The following NBEA variants were observed in gnomAD, a reference collection of about 807,000 sequenced individuals.
The protein encoded by NBEA is neurobeachin.
A neutral mutation model predicts 343.4 loss-of-function variants in NBEA; 44 were observed. The observed-to-expected ratio is 0.13, with a 90% CI of 0.10 to 0.16. The LOEUF is 0.16. Ranked by LOEUF, NBEA falls within the 10% of genes least tolerant of loss-of-function variation. NBEA has a pLI of 1.00. For missense variants in NBEA, 2,555 were observed against 3,631.3 expected, an observed-to-expected ratio of 0.70 and a Z score of 7.62; for synonymous variants, 1,175 against 1,238.7, an observed-to-expected ratio of 0.95 and a Z score of 1.08.
chr13:35,169,099 C>G, intron 25 of NBEA, 104 bp downstream of exon 25: 1 of 805,482 alleles, frequency 1.2e-6, no homozygotes, highest in East Asian at 2.7e-5. Context: ...TTCATATCAT[C>G]TTTAACATGA....
At chr13:35,152,677 C>G (rs1286323872) in intron 18 of NBEA, among the ~76,000 whole-genome samples, 1 of 152,140 alleles carries the variant, frequency 6.6e-6, no homozygotes, top group African/African-American at 2.4e-5. Context: ...CTGTAAATAG[C>G]ATGTAAAGTT....
intron 56 of NBEA, among the ~76,000 whole-genome samples, chr13:35,665,771 C>T (rs968434303): frequency 2.4e-4 from 36 of 152,218 alleles, no homozygotes; most frequent in African/African-American, 8.2e-4. Flanking sequence ...GGATTACAGG[C>T]GCCCGCAACC....
chr13:35,662,521 T>G (rs2085145970), intron 55 of NBEA, among the ~76,000 whole-genome samples: 1 of 152,218 alleles, frequency 6.6e-6, no homozygotes, highest in South Asian at 2.1e-4. Context: ...TTCCCGCCGC[T>G]GCAGGTTTCC....
At chr13:35,431,083 A>T (rs1470241125) in intron 38 of NBEA, among the ~76,000 whole-genome samples, 1 of 152,062 alleles carries the variant, frequency 6.6e-6, no homozygotes, top group African/African-American at 2.4e-5. Context: ...CTCAATGGCC[A>T]TACATTGAAA....
rs573501609 is a variant in NBEA, at chr13:35,454,924, T to C, written c.6448+2689T>C. Among the ~76,000 whole-genome samples the C allele has an allele frequency of 5.9e-5, 9 of 152,032 alleles. No individual in the cohort carries two copies. In the East Asian group the frequency reaches 1.7e-3, roughly 29 times the overall value. ...AAAACAGGAAATCCTAAAATCGGTG[T>C]ACAATATTAATATAATCTTATATTT... On this transcript the variant is annotated intron_variant, in intron 40 of 58. Coordinates refer to ENST00000379939, the MANE Select transcript of NBEA (RefSeq NM_001385012.1).
intron 34 of NBEA, among the ~76,000 whole-genome samples, chr13:35,264,077 T>C (rs2033454213): frequency 6.7e-6 from 1 of 149,234 alleles, no homozygotes; most frequent in South Asian, 2.1e-4. Context: ...AAAGGAGATA[T>C]TACAACTGAT....
At chr13:35,622,882 A>G (rs1320552173) in intron 48 of NBEA, among the ~76,000 whole-genome samples, 1 of 152,134 alleles carries the variant, frequency 6.6e-6, no homozygotes, top group South Asian at 2.1e-4. Flanking sequence ...CTTTTTTTTC[A>G]TAAATTTCGG....
chr13:35,568,393 T>C (rs1431808767), intron 45 of NBEA, among the ~76,000 whole-genome samples: 1 of 152,166 alleles, frequency 6.6e-6, no homozygotes, highest in African/African-American at 2.4e-5. Flanking sequence ...TCTAATACGC[T>C]TGCAAATATA....
chr13:35,250,841 T>G (rs757752615), intron 34 of NBEA, among the ~76,000 whole-genome samples: 10 of 152,234 alleles, frequency 6.6e-5, no homozygotes, highest in Non-Finnish European at 1.3e-4. Flanking sequence ...AAATGATATT[T>G]ACCATAAAAG....
intron 38 of NBEA, among the ~76,000 whole-genome samples, chr13:35,428,797 C>A (rs2044888715): frequency 6.6e-6 from 1 of 152,078 alleles, no homozygotes; most frequent in African/African-American, 2.4e-5. Flanking sequence ...AAACCTGGAC[C>A]TTTTCTTATT....
At chr13:35,244,702 G>A (rs1413443570) in intron 34 of NBEA, among the ~76,000 whole-genome samples, 1 of 152,054 alleles carries the variant, frequency 6.6e-6, no homozygotes, top group Non-Finnish European at 1.5e-5. Flanking sequence ...GATTGCTTTT[G>A]GAAGTATGGT....
chr13:35,222,131 T>C (rs963159692), intron 33 of NBEA, among the ~76,000 whole-genome samples: 3 of 152,134 alleles, frequency 2.0e-5, no homozygotes, highest in Non-Finnish European at 1.5e-5. Flanking sequence ...TTAAAATGGC[T>C]TGGTTTTTTT....
rs550565347 is a variant in NBEA at position 34,985,243 on chromosome 13, C to T, written c.294+42129C>T. On this transcript the variant is annotated intron_variant, in intron 1 of 58. Transcript: ENST00000379939. ...TACCTATTTTATTGAGAGTTTTTAGCATCAAAGGCTGTTGCATTTTGTTGA... is the reference window on the plus strand; with the variant it reads ...TACCTATTTTATTGAGAGTTTTTAGTATCAAAGGCTGTTGCATTTTGTTGA... Among the ~76,000 whole-genome samples the T allele has an allele frequency of 4.7e-4, 71 of 150,930 alleles. 4 individuals carry two copies. Among genetic ancestry groups the T allele is most frequent in the Non-Finnish European group, 9.3e-4 (63 of 67,434 alleles).
At position 35,200,274 on chromosome 13, in the gene NBEA, G is replaced by A. The variant is rs1414396270; in HGVS notation, c.5366+3972G>A. On this transcript the variant is annotated intron_variant, in intron 31 of 58. Coordinates refer to ENST00000379939, the MANE Select transcript of NBEA (RefSeq NM_001385012.1). Reference sequence around the variant, plus strand: ...TCATGTACTGTGTAACTTTTACTTTGGAGTAATGCTTTTATCTAAAGCCAC... The same window carrying A: ...TCATGTACTGTGTAACTTTTACTTTAGAGTAATGCTTTTATCTAAAGCCAC... Among the ~76,000 whole-genome samples the A allele has an allele frequency of 3.3e-5, 5 of 151,442 alleles. No homozygotes were observed. The East Asian group carries it at 9.7e-4, about 29-fold the overall frequency.
intron 1 of NBEA, among the ~76,000 whole-genome samples, chr13:34,996,124 A>G (rs2060931575): frequency 6.6e-6 from 1 of 152,160 alleles, no homozygotes; most frequent in African/African-American, 2.4e-5. Context: ...AATCTAGTAG[A>G]TTTGCTATAT....
intron 36 of NBEA, among the ~76,000 whole-genome samples, chr13:35,311,692 A>G (rs945791905): frequency 3.9e-5 from 6 of 152,186 alleles, no homozygotes; most frequent in Non-Finnish European, 8.8e-5. Context: ...CATCTCTACT[A>G]AAAATACAAA....
At chr13:35,154,875 C>G (rs1403391203) in intron 18 of NBEA, among the ~76,000 whole-genome samples, 1 of 151,968 alleles carries the variant, frequency 6.6e-6, no homozygotes, top group Non-Finnish European at 1.5e-5. Flanking sequence ...CATTTAATCC[C>G]AGCACTTTGA....
At chr13:35,463,689 T>A (rs2047024508) in intron 40 of NBEA, among the ~76,000 whole-genome samples, 1 of 152,110 alleles carries the variant, frequency 6.6e-6, no homozygotes, top group Non-Finnish European at 1.5e-5. Flanking sequence ...TTTAACTTAC[T>A]AATTAATGAG....
chr13:35,211,220 A>G (rs1437958456), intron 33 of NBEA, 41 bp downstream of exon 33: 1 of 1,502,976 alleles, frequency 6.7e-7, no homozygotes, highest in South Asian at 1.3e-5. Context: ...CTCTTTTTAA[A>G]TGTAGTGAAA....
Sources: gnomAD v4.1 joint callset for allele counts (sites outside exome capture counted in the v4.1 genomes callset) on GRCh38, gnomAD v4.1.1 for gene constraint, MANE v1.5 for transcripts, NCBI Gene and HGNC (gene_info 2026-07-23, HGNC 2026-07-21) for gene names.